Variants in SPOCK3 observed in about 807,000 individuals in gnomAD.
SPOCK3 encodes the protein testican-3.
In SPOCK3, 30 loss-of-function variants were observed where a neutral mutation model predicts 56.6. That is an observed-to-expected ratio of 0.53 (90% confidence interval 0.40 to 0.72). SPOCK3 has a LOEUF of 0.72. Among genes scored for constraint, SPOCK3 ranks in the 30% least tolerant of loss-of-function variants. SPOCK3 has a pLI of 0.00. For missense variants in SPOCK3, 527 were observed against 530.0 expected (o/e 0.99, Z 0.06); for synonymous variants, 196 against 183.3 (o/e 1.07, Z -0.56).
chr4:166,922,497 T>C (rs772875862), intron 4 of SPOCK3, among the ~76,000 whole-genome samples: 1 of 152,202 alleles, frequency 6.6e-6, no homozygotes, highest in Non-Finnish European at 1.5e-5. Context: ...AACAATCACC[T>C]ATATAGTCAT....
chr4:166,787,100 G>A (rs1688657874), intron 7 of SPOCK3, among the ~76,000 whole-genome samples: 1 of 152,028 alleles, frequency 6.6e-6, no homozygotes, highest in Non-Finnish European at 1.5e-5. Flanking sequence ...TAGTTTTTAA[G>A]AAACTATATA....
intron 7 of SPOCK3, among the ~76,000 whole-genome samples, chr4:166,760,780 A>G (rs1737177804): frequency 3.9e-5 from 1 of 25,494 alleles, no homozygotes. Context: ...TAAACCTAAA[A>G]CCATAAAAAC....
intron 2 of SPOCK3, among the ~76,000 whole-genome samples, chr4:167,164,175 T>C (rs1215208739): frequency 1.3e-5 from 2 of 152,140 alleles, no homozygotes; most frequent in African/African-American, 4.8e-5. Context: ...CAATGTAATT[T>C]GATAATAAAT....
intron 2 of SPOCK3, among the ~76,000 whole-genome samples, chr4:167,118,098 A>G (rs1761579930): frequency 6.6e-6 from 1 of 152,148 alleles, no homozygotes; most frequent in Non-Finnish European, 1.5e-5. Flanking sequence ...TCCTGCTTGA[A>G]AAGTTCTTTC....
chr4:167,116,915 A>G (rs139713863), intron 2 of SPOCK3, among the ~76,000 whole-genome samples: 5,187 of 139,142 alleles, frequency 0.037, 147 homozygotes, highest in Non-Finnish European at 0.059. Context: ...GTGTGTGTGT[A>G]TATATATATA....
intron 7 of SPOCK3, among the ~76,000 whole-genome samples, chr4:166,773,074 G>A (rs75674853): frequency 1.3e-5 from 2 of 152,286 alleles, no homozygotes; most frequent in South Asian, 4.1e-4. Flanking sequence ...CTACAGTCAT[G>A]AGCCAGCATG....
chr4:166,961,954 T>C (rs914218654), intron 4 of SPOCK3, among the ~76,000 whole-genome samples: 1 of 152,078 alleles, frequency 6.6e-6, no homozygotes, highest in Non-Finnish European at 1.5e-5. Flanking sequence ...GCTTTCCTTC[T>C]GGAAGCTCTA....
intron 6 of SPOCK3, among the ~76,000 whole-genome samples, chr4:166,884,641 T>C (rs1007712561): frequency 1.2e-4 from 19 of 152,024 alleles, no homozygotes; most frequent in African/African-American, 4.3e-4. Flanking sequence ...TGAAATGAAA[T>C]AGAAATGCAA....
chr4:167,030,472 C>A (rs931156839), intron 3 of SPOCK3, among the ~76,000 whole-genome samples: 26 of 151,994 alleles, frequency 1.7e-4, no homozygotes, highest in African/African-American at 5.3e-4. Flanking sequence ...TTGTTTACCT[C>A]AAGGTATTGA....
At chr4:166,795,291 C>T (rs1313653503) in intron 6 of SPOCK3, among the ~76,000 whole-genome samples, 2 of 151,998 alleles carry the variant, frequency 1.3e-5, no homozygotes, top group South Asian at 2.1e-4. Flanking sequence ...AACCGTATAT[C>T]AGTAATATAT....
chr4:166,903,216 A>G (rs1164851476), intron 5 of SPOCK3, among the ~76,000 whole-genome samples: 4 of 151,024 alleles, frequency 2.6e-5, no homozygotes, highest in Admixed American at 6.6e-5. Context: ...AGTTGGCAGA[A>G]CAAACTCTGT....
intron 6 of SPOCK3, among the ~76,000 whole-genome samples, chr4:166,839,867 G>GA (rs2126823835): frequency 6.6e-6 from 1 of 152,216 alleles, no homozygotes; most frequent in African/African-American, 2.4e-5. Flanking sequence ...CTCTTCCCCA[G>GA]AAAACCCCCA....
chr4:166,740,066 CCATAA>C (rs1734674791), intron 9 of SPOCK3, among the ~76,000 whole-genome samples: 1 of 152,024 alleles, frequency 6.6e-6, no homozygotes, highest in African/African-American at 2.4e-5. Flanking sequence ...GTTAGTGTGA[CCATAA>C]TTGATACTTT....
At chr4:166,905,828 T>G (rs1736547190) in intron 5 of SPOCK3, among the ~76,000 whole-genome samples, 1 of 151,970 alleles carries the variant, frequency 6.6e-6, no homozygotes. Context: ...AACAATATAC[T>G]ATCAGCAAAC....
At chr4:166,782,953 A>G (rs1740332231) in intron 7 of SPOCK3, among the ~76,000 whole-genome samples, 1 of 152,228 alleles carries the variant, frequency 6.6e-6, no homozygotes, top group South Asian at 2.1e-4. Flanking sequence ...GAAGTGTTAA[A>G]AGGTTAAAAT....
chr4:167,179,508 T>C (rs1335974573), intron 2 of SPOCK3, among the ~76,000 whole-genome samples: 6 of 152,178 alleles, frequency 3.9e-5, no homozygotes, highest in African/African-American at 1.4e-4. Flanking sequence ...CCACAGGAAA[T>C]ATATTTTATA....
chr4:167,125,567 C>A (rs1379722121), intron 2 of SPOCK3, among the ~76,000 whole-genome samples: 4 of 149,726 alleles, frequency 2.7e-5, no homozygotes, highest in Non-Finnish European at 3.0e-5. Context: ...TAAAAAAATT[C>A]GCCGGGCGTG....
At chr4:166,752,096 G>A (rs1736442585) in intron 8 of SPOCK3, among the ~76,000 whole-genome samples, 1 of 151,940 alleles carries the variant, frequency 6.6e-6, no homozygotes, top group South Asian at 2.1e-4. Context: ...GAGTGTAGAG[G>A]TGCCATCTCA....
chr4:167,212,770 T>C (rs1283236340), intron 2 of SPOCK3, among the ~76,000 whole-genome samples: 1 of 152,164 alleles, frequency 6.6e-6, no homozygotes, highest in Non-Finnish European at 1.5e-5. Context: ...TCAAAATACA[T>C]TTAGAGTCAT....
Sources: gnomAD v4.1 joint callset for allele counts (sites outside exome capture counted in the v4.1 genomes callset) on GRCh38, gnomAD v4.1.1 for gene constraint, MANE v1.5 for transcripts, NCBI Gene and HGNC (gene_info 2026-07-23, HGNC 2026-07-21) for gene names.